LRP1B: variants seen among roughly 807,000 people sequenced by gnomAD.
LRP1B encodes LDL receptor related protein 1B.
Under a neutral mutation model 556.6 loss-of-function variants are expected in LRP1B, and 217 were observed. The ratio of observed to expected loss-of-function variants is 0.39; its 90% confidence interval spans 0.35 to 0.44. The LOEUF (loss-of-function observed/expected upper bound fraction) is 0.44, where lower values mean the gene tolerates loss of function less well. Ranked by LOEUF, LRP1B falls within the 20% of genes least tolerant of loss-of-function variation. The pLI is 1.00. For missense variants in LRP1B, 5,053 were observed against 5,620.8 expected (o/e 0.90, Z 3.23); for synonymous variants, 2,047 against 1,865.8 (o/e 1.10, Z -2.50).
At chr2:141,227,420 A>C (rs530789891) in intron 6 of LRP1B, among the ~76,000 whole-genome samples, 2 of 152,204 alleles carry the variant, frequency 1.3e-5, no homozygotes, top group African/African-American at 4.8e-5. Context: ...GCCTAAGCCA[A>C]TGTCTGAAAT....
chr2:140,701,869 G>T, intron 39 of LRP1B, 24 bp from the exon 40 acceptor site: 6 of 1,611,936 alleles, frequency 3.7e-6, no homozygotes, highest in Non-Finnish European at 5.1e-6. Context: ...GAACATACAT[G>T]ATCAACAATC....
intron 23 of LRP1B, among the ~76,000 whole-genome samples, chr2:140,896,561 A>C (rs976793658): frequency 6.6e-6 from 1 of 152,244 alleles, no homozygotes; most frequent in African/African-American, 2.4e-5. Flanking sequence ...GGCTCACTGC[A>C]GTCTCAATCT....
chr2:142,069,734 G>A (rs1705242656), intron 1 of LRP1B, among the ~76,000 whole-genome samples: 1 of 151,698 alleles, frequency 6.6e-6, no homozygotes, highest in East Asian at 1.9e-4. Flanking sequence ...ACAAGGAGTA[G>A]GGTTACAAAA....
At chr2:140,837,014 G>A (rs967163204) in intron 31 of LRP1B, among the ~76,000 whole-genome samples, 3 of 152,084 alleles carry the variant, frequency 2.0e-5, no homozygotes, top group Non-Finnish European at 4.4e-5. Flanking sequence ...ACATTGCTAC[G>A]GAATCTATTC....
chr2:140,861,881 T>G (rs1692806824), intron 27 of LRP1B, among the ~76,000 whole-genome samples: 2 of 151,998 alleles, frequency 1.3e-5, no homozygotes, highest in Admixed American at 6.6e-5. Flanking sequence ...ACTGTTCCTT[T>G]TGTGTGTGTG....
chr2:140,675,542 C>A (rs1381281370), intron 41 of LRP1B, among the ~76,000 whole-genome samples: 1 of 152,056 alleles, frequency 6.6e-6, no homozygotes, highest in Non-Finnish European at 1.5e-5. Flanking sequence ...ACCAAATAGT[C>A]TTTAATTAAC....
intron 3 of LRP1B, among the ~76,000 whole-genome samples, chr2:141,361,532 C>A (rs1688826613): frequency 6.6e-6 from 1 of 152,110 alleles, no homozygotes; most frequent in Non-Finnish European, 1.5e-5. Flanking sequence ...ATTTTAAAAA[C>A]CCTAAAGATT....
intron 1 of LRP1B, among the ~76,000 whole-genome samples, chr2:141,843,730 G>GA (rs1159369602): frequency 3.3e-5 from 5 of 152,068 alleles, no homozygotes; most frequent in Admixed American, 3.3e-4. Flanking sequence ...AGTTTAACAA[G>GA]ACGGCAAAGC....
chr2:141,017,215 TGTA>T (rs10533230), intron 12 of LRP1B, among the ~76,000 whole-genome samples: 82,035 of 121,420 alleles, frequency 0.68, 22,689 homozygotes, highest in Middle Eastern at 0.74. Context: ...TGTAATTCTA[TGTA>T]GTTAGGTATA....
intron 41 of LRP1B, among the ~76,000 whole-genome samples, chr2:140,666,838 T>G (rs536930170): frequency 3.3e-5 from 5 of 152,296 alleles, no homozygotes; most frequent in African/African-American, 1.2e-4. Flanking sequence ...AGAAAGAAAC[T>G]TCCTGTTCTG....
chr2:141,507,017 G>T (rs1683956639), intron 2 of LRP1B, among the ~76,000 whole-genome samples: 1 of 152,100 alleles, frequency 6.6e-6, no homozygotes, highest in Non-Finnish European at 1.5e-5. Context: ...GCTAACTAAA[G>T]TGACTTCTAC....
At chr2:141,799,849 T>C (rs771194832) in intron 2 of LRP1B, among the ~76,000 whole-genome samples, 2 of 130,658 alleles carry the variant, frequency 1.5e-5, no homozygotes, top group Non-Finnish European at 3.4e-5. Flanking sequence ...AGAGAGAGGC[T>C]AAGATAATGT....
chr2:141,811,014 A>T (rs1312169955), intron 1 of LRP1B, among the ~76,000 whole-genome samples: 1 of 150,860 alleles, frequency 6.6e-6, no homozygotes, highest in Non-Finnish European at 1.5e-5. Flanking sequence ...TTTTTTTTCT[A>T]ACTCAAATTT....
intron 83 of LRP1B, among the ~76,000 whole-genome samples, chr2:140,312,170 A>G (rs997494948): frequency 1.3e-5 from 2 of 151,940 alleles, no homozygotes; most frequent in African/African-American, 4.8e-5. Context: ...AAAATATTCA[A>G]TTCAAATGTG....
intron 3 of LRP1B, among the ~76,000 whole-genome samples, chr2:141,386,884 A>G (rs1365444566): frequency 1.3e-5 from 2 of 152,052 alleles, no homozygotes; most frequent in Non-Finnish European, 2.9e-5. Context: ...ATATTCCACC[A>G]GCATCCACAG....
At chr2:140,386,936 T>C (rs778593546) in intron 66 of LRP1B, among the ~76,000 whole-genome samples, 1 of 152,224 alleles carries the variant, frequency 6.6e-6, no homozygotes, top group East Asian at 1.9e-4. Context: ...AATTTTGCTA[T>C]AATGGAAATT....
intron 67 of LRP1B, among the ~76,000 whole-genome samples, chr2:140,379,186 G>T (rs530179597): frequency 6.6e-6 from 1 of 152,234 alleles, no homozygotes; most frequent in Non-Finnish European, 1.5e-5. Context: ...CCTTGTGTTT[G>T]CAGCTGTATC....
At chr2:140,890,921 C>A (rs1693778936) in intron 23 of LRP1B, among the ~76,000 whole-genome samples, 1 of 152,006 alleles carries the variant, frequency 6.6e-6, no homozygotes, top group African/African-American at 2.4e-5. Context: ...ATATTAACAT[C>A]TTTTGTGGCA....
chr2:141,997,656 T>TAC (rs1553500577), intron 1 of LRP1B, among the ~76,000 whole-genome samples: 4 of 148,564 alleles, frequency 2.7e-5, no homozygotes, highest in African/African-American at 9.9e-5. Flanking sequence ...CCCATATATA[T>TAC]ATATATATAT....
Sources: allele counts gnomAD v4.1 joint callset (sites outside exome capture counted in the v4.1 genomes callset), GRCh38; gene constraint gnomAD v4.1.1; transcripts MANE v1.5; gene names NCBI Gene and HGNC (gene_info 2026-07-23, HGNC 2026-07-21).